The following CWH43 variants were observed in gnomAD, a reference collection of about 807,000 sequenced individuals.
The protein encoded by CWH43 is cell wall biogenesis 43 C-terminal homolog.
A neutral mutation model predicts 85.7 loss-of-function variants in CWH43; 91 were observed. The ratio of observed to expected loss-of-function variants is 1.06; its 90% CI spans 0.90 to 1.26. The LOEUF (loss-of-function observed/expected upper bound fraction) is 1.26. Ranked by LOEUF, CWH43 falls within the 50% of genes most tolerant of loss-of-function variation. The pLI, the probability that CWH43 is intolerant of heterozygous loss-of-function variation, is 0.00. For missense variants in CWH43, 869 were observed against 839.2 expected, an observed-to-expected ratio of 1.04 and a Z score of -0.44; for synonymous variants, 323 against 293.6, an observed-to-expected ratio of 1.10 and a Z score of -1.02.
intron 9 of CWH43, among the ~76,000 whole-genome samples, chr4:49,018,476 C>T (rs1783633100): frequency 6.6e-6 from 1 of 152,208 alleles, no homozygotes; most frequent in Admixed American, 6.5e-5. Context: ...AAAACTCTTA[C>T]AGATAATTCT....
At chr4:48,996,207 T>C (rs1782807380) in intron 5 of CWH43, among the ~76,000 whole-genome samples, 1 of 152,118 alleles carries the variant, frequency 6.6e-6, no homozygotes, top group Non-Finnish European at 1.5e-5. Context: ...TCTCTGTGAA[T>C]TATTCTGTTA....
At chr4:48,996,848 A>G (rs1420873863) in intron 5 of CWH43, among the ~76,000 whole-genome samples, 2 of 152,206 alleles carry the variant, frequency 1.3e-5, no homozygotes, top group African/African-American at 4.8e-5. Flanking sequence ...CTAATCCTGT[A>G]TGTTAGAATG....
At chr4:48,997,522 G>T (rs180890942) in intron 5 of CWH43, among the ~76,000 whole-genome samples, 2 of 151,864 alleles carry the variant, frequency 1.3e-5, no homozygotes, top group African/African-American at 2.4e-5. Context: ...TTTGGGAGTA[G>T]AAAAAGATCC....
intron 9 of CWH43, among the ~76,000 whole-genome samples, chr4:49,017,837 A>ATT (rs745640613): frequency 2.1e-5 from 3 of 142,488 alleles, no homozygotes; most frequent in Non-Finnish European, 3.1e-5. Flanking sequence ...GGTGCTACAC[A>ATT]TTTTTTTTTT....
At chr4:49,060,715 T>A (rs1785127095) in intron 15 of CWH43, among the ~76,000 whole-genome samples, 1 of 152,198 alleles carries the variant, frequency 6.6e-6, no homozygotes, top group Non-Finnish European at 1.5e-5. Context: ...TAATCTCTCA[T>A]CTGAAATCTT....
intron 12 of CWH43, among the ~76,000 whole-genome samples, chr4:49,034,425 T>G (rs184277885): frequency 6.6e-6 from 1 of 152,240 alleles, no homozygotes; most frequent in Admixed American, 6.5e-5. Context: ...AAAGAATAGG[T>G]TTGAAAAGGA....
rs1782654219 is a variant in CWH43, at chr4:48,991,519, T to A, written c.301T>A (p.Ser101Thr). The A allele has an allele frequency of 6.2e-7, 1 of 1,613,976 alleles. No homozygotes were observed. Among genetic ancestry groups the A allele is most frequent in the Non-Finnish European group, 8.5e-7 (1 of 1,179,992 alleles). ...ACTGATGGTTCTTGCGCTTGGGGTG[T>A]CTTCCTCACTGATAGTGCAAGCTGT... is the stretch of plus-strand genomic sequence containing the variant. Reference protein sequence around the residue: ...LRLMVLALGVSSSLIVQAVTW... With the variant: ...LRLMVLALGVTSSLIVQAVTW... Residue 101 changes from serine to threonine, a missense_variant, in exon 3 of 16, where the codon TCT becomes ACT. Transcript: ENST00000226432.
At chr4:49,051,898 A>G (rs981440376) in intron 15 of CWH43, among the ~76,000 whole-genome samples, 3 of 152,120 alleles carry the variant, frequency 2.0e-5, no homozygotes, top group African/African-American at 7.2e-5. Context: ...TTAAAAGAGA[A>G]ATCTATTTGC....
chr4:49,056,276 T>C (rs999904695), intron 15 of CWH43, among the ~76,000 whole-genome samples: 15 of 152,180 alleles, frequency 9.9e-5, no homozygotes, highest in African/African-American at 3.6e-4. Context: ...TTTGTAGAAT[T>C]CACCAGTGAG....
At chr4:49,021,407 C>G (rs562516014) in intron 9 of CWH43, among the ~76,000 whole-genome samples, 21 of 152,266 alleles carry the variant, frequency 1.4e-4, no homozygotes, top group African/African-American at 4.6e-4. Context: ...TTCCATTGGT[C>G]TATATGCCTT....
At chr4:49,037,600 G>T (rs1056319547) in intron 12 of CWH43, among the ~76,000 whole-genome samples, 1 of 151,802 alleles carries the variant, frequency 6.6e-6, no homozygotes, top group Non-Finnish European at 1.5e-5. Context: ...AGTTGAAGGA[G>T]CTTAGGTTAC....
At position 49,028,749 on chromosome 4, in the gene CWH43, A is replaced by G. The variant is rs1364294849; in HGVS notation, c.1372+15A>G. 1 of 1,514,300 alleles carries G rather than the reference A, an allele frequency of 6.6e-7. No individual in the cohort carries two copies. Among genetic ancestry groups the G allele is most frequent in the South Asian group, 1.1e-5 (1 of 87,406 alleles). 93.8% of individuals were successfully genotyped at this position (1,514,300 alleles called of 1,614,324 possible). ...CAATGAAACAGGTAAGTCTTCCTGG[A>G]ATTAGTTCCAGGTTTTGAGAAACTA... On this transcript the variant is annotated intron_variant, in intron 10 of 15. Transcript: ENST00000226432.
chr4:48,988,667 T>C lies in CWH43; in HGVS notation c.234T>C (p.Ile78=). The part of the protein sequence containing the change: ...WMLTLLRIIT[I]GSIASFQAPN... The stretch of plus-strand genomic sequence containing the variant: ...TAACCCTGCTGAGGATAATCACTAT[T>C]GGTAAGATTTAAAAGAGTTTCTTTA... Residue 78 remains isoleucine (I), a splice_region_variant and synonymous_variant, in exon 2 of 16, where the codon ATT becomes ATC. Transcript: ENST00000226432. 6.3e-7 allele frequency: 1 copy of C among 1,585,062 alleles called. No individual in the cohort carries two copies. The highest frequency in any genetic ancestry group is 8.6e-7 in the Non-Finnish European group (1 of 1,166,644).
At chr4:48,998,581 CT>C in intron 6 of CWH43, 33 bp downstream of exon 6, 1 of 1,479,860 alleles carries the variant, frequency 6.8e-7, no homozygotes, top group Non-Finnish European at 9.5e-7. Context: ...TAGAACACGA[CT>C]GAGCTTGGTT....
At chr4:49,024,673 A>G (rs1783851008) in intron 9 of CWH43, among the ~76,000 whole-genome samples, 1 of 152,206 alleles carries the variant, frequency 6.6e-6, no homozygotes, top group Admixed American at 6.5e-5. Flanking sequence ...GGCTAAAGAT[A>G]GGACCCTAAT....
At chr4:49,046,656 C>A (rs988731748) in intron 14 of CWH43, among the ~76,000 whole-genome samples, 2 of 151,988 alleles carry the variant, frequency 1.3e-5, no homozygotes, top group African/African-American at 4.8e-5. Context: ...CCTGTGCATA[C>A]CCTGAGGAAG....
At chr4:49,025,060 C>A (rs574239348) in intron 9 of CWH43, among the ~76,000 whole-genome samples, 9 of 151,706 alleles carry the variant, frequency 5.9e-5, no homozygotes, top group African/African-American at 1.9e-4. Context: ...AATTTTTTTT[C>A]CTTTGTCTTT....
Position 48,998,623 on chromosome 4 carries a change from G to A in CWH43, c.802+75G>A, listed in dbSNP as rs111714807. ...GTTTGTTTGCAAGCATGCGCAACTC[G>A]ACTGAAAGTAGATACAACCATACAA... On this transcript the variant is annotated intron_variant, in intron 6 of 15. Transcript: ENST00000226432. 3,947 of 1,047,066 alleles carry A rather than the reference G, an allele frequency of 3.8e-3. 94 individuals carry two copies. In the African/African-American group the frequency reaches 0.052, roughly 14 times the overall value. The allele number at this position is 1,047,066 out of a possible 1,614,324, so 64.9% of individuals were successfully genotyped here. A position where few individuals can be genotyped will look rare whatever the true frequency, so the allele number is the denominator to read the frequency against.
At chr4:49,036,209 C>T (rs1784258105) in intron 12 of CWH43, among the ~76,000 whole-genome samples, 1 of 152,158 alleles carries the variant, frequency 6.6e-6, no homozygotes, top group South Asian at 2.1e-4. Context: ...CCCATTGATG[C>T]CTCCGATTGG....
Sources: gnomAD v4.1 joint callset for allele counts (sites outside exome capture counted in the v4.1 genomes callset) on GRCh38, gnomAD v4.1.1 for gene constraint, MANE v1.5 for transcripts, NCBI Gene and HGNC (gene_info 2026-07-23, HGNC 2026-07-21) for gene names.